Variants in TANGO6 observed in about 807,000 individuals in gnomAD.
The protein encoded by TANGO6 is transport and golgi organization 6 homolog.
TANGO6 carries 90 observed loss-of-function variants against 114.2 expected under a neutral mutation model. That is an observed-to-expected ratio of 0.79 (90% CI 0.66 to 0.94). The LOEUF (loss-of-function observed/expected upper bound fraction) is 0.94. TANGO6 is among the 40% of genes least tolerant of loss of function. TANGO6 has a pLI of 0.00. For synonymous variants in TANGO6, 477 were observed against 509.8 expected (o/e 0.94, Z 0.87); for missense variants, 1,274 against 1,315.3 (o/e 0.97, Z 0.49).
intron 15 of TANGO6, among the ~76,000 whole-genome samples, chr16:69,003,926 G>T (rs908144155): frequency 6.1e-5 from 9 of 148,744 alleles, no homozygotes; most frequent in African/African-American, 2.0e-4. Context: ...CCTACTTACT[G>T]TTTTTTTTCT....
chr16:68,908,262 A>G (rs1962878580), intron 10 of TANGO6, among the ~76,000 whole-genome samples: 1 of 152,174 alleles, frequency 6.6e-6, no homozygotes, highest in African/African-American at 2.4e-5. Context: ...ATCAGGGCTA[A>G]CATTTCGAGA....
intron 1 of TANGO6, among the ~76,000 whole-genome samples, chr16:68,851,075 AAAT>A (rs1261076654): frequency 2.8e-4 from 42 of 152,280 alleles, no homozygotes; most frequent in African/African-American, 1.0e-3. Flanking sequence ...AAAGACATGC[AAAT>A]AATCTGTGAT....
intron 14 of TANGO6, among the ~76,000 whole-genome samples, chr16:68,943,541 T>C (rs554690538): frequency 2.1e-4 from 32 of 151,986 alleles, no homozygotes; most frequent in African/African-American, 5.8e-4. Context: ...ATTTTTTGTG[T>C]TTTTTAGTAG....
At position 68,924,467 on chromosome 16, in the gene TANGO6, A is replaced by G. The variant is rs142308745; in HGVS notation, c.2128-3101A>G. Among the ~76,000 whole-genome samples the G allele has an allele frequency of 1.5e-3, 233 of 151,456 alleles. 1 individual carries two copies. The highest frequency in any genetic ancestry group is 2.4e-3 in the Non-Finnish European group (165 of 67,852). ...ACACCATTGCACTCCAGCCTGGGCA[A>G]CAAGAGTGAAACTCCCTCTCAAAAA... On this transcript the variant is annotated intron_variant, in intron 12 of 17. Coordinates refer to ENST00000261778, the MANE Select transcript of TANGO6 (RefSeq NM_024562.2).
chr16:68,890,998 C>T (rs771328899), intron 7 of TANGO6, among the ~76,000 whole-genome samples: 3 of 145,760 alleles, frequency 2.1e-5, no homozygotes, highest in African/African-American at 5.1e-5. Flanking sequence ...GCACTCCAAC[C>T]GGGGCAACAG....
intron 15 of TANGO6, among the ~76,000 whole-genome samples, chr16:68,984,460 T>C (rs748886044): frequency 3.3e-5 from 5 of 152,166 alleles, no homozygotes; most frequent in Non-Finnish European, 5.9e-5. Flanking sequence ...TTATTACTGA[T>C]ATAATAAGGG....
intron 16 of TANGO6, among the ~76,000 whole-genome samples, chr16:69,038,733 G>T (rs969700353): frequency 1.3e-5 from 2 of 152,026 alleles, no homozygotes; most frequent in African/African-American, 4.8e-5. Flanking sequence ...TCCTGTGTTA[G>T]TATGGTCTTT....
chr16:68,888,021 A>G (rs113556327), intron 7 of TANGO6, among the ~76,000 whole-genome samples: 1 of 152,166 alleles, frequency 6.6e-6, no homozygotes, highest in African/African-American at 2.4e-5. Context: ...GGTGGTTCTG[A>G]TGGCTCTGGG....
intron 15 of TANGO6, among the ~76,000 whole-genome samples, chr16:69,017,825 A>G (rs1228822775): frequency 6.6e-6 from 1 of 152,152 alleles, no homozygotes; most frequent in African/African-American, 2.4e-5. Flanking sequence ...AGAGTGAGCA[A>G]GCCCCCTTCC....
rs1353557951 is a variant in TANGO6 at position 68,860,498 on chromosome 16, A to G, written c.709A>G (p.Arg237Gly). ...CCAACTGGGATTCTGCCCAACCAAAAGAAAACTGCTAACACCTGCAGAAGA... is the reference window on the plus strand; with the variant it reads ...CCAACTGGGATTCTGCCCAACCAAAGGAAAACTGCTAACACCTGCAGAAGA... ...LCQLGFCPTK[R>G]KLLTPAEEVL... Residue 237 changes from arginine to glycine, a missense_variant, in exon 2 of 18, where the codon AGA (arginine) becomes GGA (glycine). This residue lies in a region of TANGO6 where 908 missense variants were observed against 910.2 expected (regional missense o/e 1.00). Coordinates refer to ENST00000261778, the MANE Select transcript of TANGO6 (RefSeq NM_024562.2). 2 of 1,613,740 alleles carry G rather than the reference A, an allele frequency of 1.2e-6. No homozygotes were observed. Among genetic ancestry groups the G allele is most frequent in the Non-Finnish European group, 1.7e-6 (2 of 1,179,794 alleles).
At chr16:68,997,716 C>T (rs1327816224) in intron 15 of TANGO6, among the ~76,000 whole-genome samples, 1 of 152,190 alleles carries the variant, frequency 6.6e-6, no homozygotes, top group Non-Finnish European at 1.5e-5. Context: ...TGCCTAACCT[C>T]CTGGGAATGC....
At chr16:68,991,910 A>G (rs576494617) in intron 15 of TANGO6, among the ~76,000 whole-genome samples, 1 of 152,202 alleles carries the variant, frequency 6.6e-6, no homozygotes, top group East Asian at 1.9e-4. Flanking sequence ...CAAAGAGATG[A>G]GGATTTTGGT....
At chr16:68,847,819 G>C (rs1046369036) in intron 1 of TANGO6, among the ~76,000 whole-genome samples, 3 of 152,014 alleles carry the variant, frequency 2.0e-5, no homozygotes, top group African/African-American at 7.2e-5. Context: ...GGCCAACATG[G>C]CGAAACCCCG....
At chr16:68,896,010 C>G (rs1366699616) in intron 7 of TANGO6, among the ~76,000 whole-genome samples, 2 of 151,784 alleles carry the variant, frequency 1.3e-5, no homozygotes, top group East Asian at 3.9e-4. Flanking sequence ...GTGTCTCACT[C>G]TGTCACCCAG....
At chr16:69,030,505 G>C (rs1001476916) in intron 16 of TANGO6, among the ~76,000 whole-genome samples, 8 of 152,020 alleles carry the variant, frequency 5.3e-5, no homozygotes, top group African/African-American at 1.9e-4. Flanking sequence ...GTTTAGGAAG[G>C]TTCCAAATGC....
intron 14 of TANGO6, among the ~76,000 whole-genome samples, chr16:68,955,697 G>A (rs1963522477): frequency 1.3e-5 from 2 of 152,176 alleles, no homozygotes; most frequent in Non-Finnish European, 2.9e-5. Flanking sequence ...TCAGTGGAAA[G>A]TCTGATATAC....
intron 14 of TANGO6, among the ~76,000 whole-genome samples, chr16:68,963,048 C>T (rs1269297329): frequency 3.4e-5 from 5 of 148,696 alleles, no homozygotes; most frequent in Non-Finnish European, 7.4e-5. Context: ...GAGCCGAGAT[C>T]GCGCCACTGT....
At chr16:68,936,043 G>T (rs1963296295) in intron 14 of TANGO6, among the ~76,000 whole-genome samples, 1 of 152,062 alleles carries the variant, frequency 6.6e-6, no homozygotes, top group African/African-American at 2.4e-5. Context: ...AATTAGCTAG[G>T]TGTGCTGGTG....
chr16:69,018,165 A>G (rs1433409562), intron 15 of TANGO6, among the ~76,000 whole-genome samples: 2 of 87,170 alleles, frequency 2.3e-5, no homozygotes, highest in Admixed American at 2.7e-4. Flanking sequence ...TTTTTTTGAG[A>G]CAGAGTCTCT....
Sources: gnomAD v4.1 joint callset for allele counts (sites outside exome capture counted in the v4.1 genomes callset) on GRCh38, gnomAD v4.1.1 for gene constraint, gnomAD v4.1.1 regional missense constraint, MANE v1.5 for transcripts, NCBI Gene and HGNC (gene_info 2026-07-23, HGNC 2026-07-21) for gene names.